TRMT9B: variants seen among roughly 807,000 people sequenced by gnomAD.
TRMT9B encodes the protein probable tRNA methyltransferase 9B.
In TRMT9B, 16 loss-of-function variants were observed where a neutral mutation model predicts 11.5. The ratio of observed to expected loss-of-function variants is 1.39; its 90% CI spans 0.94 to 2.11. The LOEUF (loss-of-function observed/expected upper bound fraction) is 2.11. Ranked by LOEUF, TRMT9B falls within the 30% of genes most tolerant of loss-of-function variation. The pLI, the probability that TRMT9B is intolerant of heterozygous loss-of-function variation, is 0.00. For missense variants in TRMT9B, 941 were observed against 553.8 expected (o/e 1.70, Z -7.02); for synonymous variants, 274 against 192.4 (o/e 1.42, Z -3.51).
At chr8:13,003,971 T>C (rs554126024) in intron 2 of TRMT9B, among the ~76,000 whole-genome samples, 2 of 151,866 alleles carry the variant, frequency 1.3e-5, no homozygotes, top group Admixed American at 1.3e-4. Flanking sequence ...GCCATGTGCA[T>C]GCAGAGAGAA....
chr8:13,003,539 C>G (rs997602592), intron 2 of TRMT9B, among the ~76,000 whole-genome samples: 1 of 151,972 alleles, frequency 6.6e-6, no homozygotes, highest in Non-Finnish European at 1.5e-5. Flanking sequence ...TGTGCCACCG[C>G]TGAGAAACAG....
intron 1 of TRMT9B, among the ~76,000 whole-genome samples, chr8:12,989,138 C>T (rs1400832790): frequency 6.6e-6 from 1 of 152,046 alleles, no homozygotes; most frequent in African/African-American, 2.4e-5. Flanking sequence ...TGCTGACCCT[C>T]TTCCCAGGAA....
At chr8:13,019,696 T>C (rs1442285901) in intron 4 of TRMT9B, among the ~76,000 whole-genome samples, 1 of 152,218 alleles carries the variant, frequency 6.6e-6, no homozygotes, top group Admixed American at 6.5e-5. Flanking sequence ...AGCTTAGTAA[T>C]CAGGACTCTA....
chr8:12,987,958 A>G (rs967487704), intron 1 of TRMT9B, among the ~76,000 whole-genome samples: 1 of 152,200 alleles, frequency 6.6e-6, no homozygotes, highest in African/African-American at 2.4e-5. Context: ...TTCAAAATTC[A>G]AAGCACAATT....
Position 13,012,708 on chromosome 8 carries a change from A to G in TRMT9B, c.179A>G (p.Lys60Arg). The G allele has an allele frequency of 6.2e-7, 1 of 1,613,702 alleles. No individual in the cohort carries two copies. Among genetic ancestry groups the G allele is most frequent in the Non-Finnish European group, 8.5e-7 (1 of 1,179,716 alleles). Reference protein sequence around the residue: ...DIGCGTGKYLKVNSQVHTVGC... With the variant: ...DIGCGTGKYLRVNSQVHTVGC... ...GGTTGTGGGACTGGAAAATATCTTA[A>G]AGTGAACAGCCAGGTACATACCGTG... Residue 60 changes from lysine to arginine, a missense_variant, in exon 4 of 5, where the codon AAA (lysine) becomes AGA (arginine). Lys to Arg is a conservative substitution (Grantham distance 26). Coordinates refer to ENST00000524591, the MANE Select transcript of TRMT9B (RefSeq NM_020844.3).
chr8:13,012,804 A>G lies in TRMT9B; in HGVS notation c.275A>G (p.Asn92Ser), dbSNP rs372978061. ...NRGCEAMVCDNLNLPFRDEGF... is the reference protein window; with the variant it reads ...NRGCEAMVCDSLNLPFRDEGF... ...GGATGTGAAGCCATGGTATGTGACA[A>G]CCTTAATCTCCCCTTTAGGGATGAG... Residue 92 changes from asparagine to serine, a missense_variant, in exon 4 of 5, where the codon AAC becomes AGC. By Grantham distance (46) the Asn-to-Ser change is conservative. Coordinates refer to ENST00000524591, the MANE Select transcript of TRMT9B (RefSeq NM_020844.3). 3.7e-6 allele frequency: 6 copies of G among 1,613,766 alleles called. No individual in the cohort carries two copies. In the African/African-American group the frequency reaches 8.0e-5, roughly 22 times the overall value.
At chr8:12,955,225 T>G (rs1801140770) in intron 1 of TRMT9B, among the ~76,000 whole-genome samples, 1 of 152,126 alleles carries the variant, frequency 6.6e-6, no homozygotes, top group Non-Finnish European at 1.5e-5. Flanking sequence ...TCAGTGTCCT[T>G]TGGGAGCCAG....
At chr8:13,011,772 C>T (rs890874425) in intron 3 of TRMT9B, 2 of 960,238 alleles carry the variant, frequency 2.1e-6, no homozygotes, top group Non-Finnish European at 2.5e-6. Context: ...TTTTTATAAT[C>T]TGAGTTGTAT....
intron 2 of TRMT9B, among the ~76,000 whole-genome samples, chr8:13,002,016 G>A (rs535202137): frequency 1.8e-4 from 27 of 152,186 alleles, no homozygotes; most frequent in African/African-American, 6.0e-4. Flanking sequence ...ATTTAAATCC[G>A]CAGCATTTAA....
intron 1 of TRMT9B, among the ~76,000 whole-genome samples, chr8:12,962,679 C>T (rs1470672126): frequency 8.6e-5 from 13 of 151,978 alleles, no homozygotes; most frequent in East Asian, 1.9e-4. Context: ...TTTGTAGAGA[C>T]GGGGTCTCGC....
chr8:13,028,354 C>A lies in TRMT9B; in HGVS notation c.*6310C>A, dbSNP rs1814949102. On this transcript the variant is annotated 3_prime_UTR_variant, in exon 5 of 5. Coordinates refer to ENST00000524591, the MANE Select transcript of TRMT9B (RefSeq NM_020844.3). ...AGAGCTGCAGAAAGTAAAGTTTACT[C>A]CAACCCAATTAATCATTAATACATC... 1.2e-5 allele frequency: 2 copies of A among 166,982 alleles called. No individual in the cohort carries two copies. Among genetic ancestry groups the A allele is most frequent in the Non-Finnish European group, 2.9e-5 (2 of 68,108 alleles). 10.3% of individuals were successfully genotyped at this position (166,982 alleles called of 1,614,324 possible).
intron 3 of TRMT9B, chr8:13,011,102 T>G (rs1707189130): frequency 2.8e-6 from 1 of 359,026 alleles, no homozygotes; most frequent in Non-Finnish European, 3.9e-6. Flanking sequence ...TTTTTCTGCC[T>G]CAGCCTCCTG....
At chr8:13,014,197 C>G (rs973268364) in intron 4 of TRMT9B, among the ~76,000 whole-genome samples, 3 of 152,198 alleles carry the variant, frequency 2.0e-5, no homozygotes, top group Non-Finnish European at 4.4e-5. Flanking sequence ...GCTATGGAAA[C>G]TTGCTCTCTG....
chr8:12,956,657 C>T (rs1801355442), intron 1 of TRMT9B, among the ~76,000 whole-genome samples: 1 of 152,152 alleles, frequency 6.6e-6, no homozygotes, highest in Non-Finnish European at 1.5e-5. Flanking sequence ...TAGCACCTGG[C>T]TTGTTAGTTC....
intron 2 of TRMT9B, among the ~76,000 whole-genome samples, chr8:13,001,309 G>A (rs1471206728): frequency 6.6e-6 from 1 of 152,002 alleles, no homozygotes; most frequent in African/African-American, 2.4e-5. Context: ...TTTCAACCTG[G>A]GTCCACTCAG....
intron 3 of TRMT9B, chr8:13,011,778 T>G (rs13258586): frequency 2.1e-6 from 2 of 953,350 alleles, no homozygotes; most frequent in Non-Finnish European, 2.5e-6. Context: ...TAATCTGAGT[T>G]GTATACTGGA....
intron 2 of TRMT9B, 38 bp from the exon 3 acceptor site, chr8:13,006,164 C>G (rs1285418735): frequency 1.2e-6 from 2 of 1,605,596 alleles, no homozygotes; most frequent in Non-Finnish European, 8.5e-7. Flanking sequence ...GGTGCATAGG[C>G]TGACCTGCAT....
At position 12,945,944 on chromosome 8, in the gene TRMT9B, C is replaced by T. The variant is rs1800243699; in HGVS notation, c.-222C>T. ...TGATGAAACCTGTGAGCTCTCCTAG[C>T]AACTCTGCAGTCTTCCTTCAAGGTA... On this transcript the variant is annotated 5_prime_UTR_variant, in exon 1 of 5. Transcript: ENST00000524591. 6.6e-6 allele frequency: 1 copy of T among 152,140 alleles called. No homozygotes were observed. Among genetic ancestry groups the T allele is most frequent in the Non-Finnish European group, 1.5e-5 (1 of 68,030 alleles). 9.4% of individuals were successfully genotyped at this position (152,140 alleles called of 1,614,324 possible). A position where few individuals can be genotyped will look rare whatever the true frequency, so the allele number is the denominator to read the frequency against.
rs186067432 is a variant in TRMT9B at position 13,026,247 on chromosome 8, C to A, written c.*4203C>A. On this transcript the variant is annotated 3_prime_UTR_variant, in exon 5 of 5. Coordinates refer to ENST00000524591, the MANE Select transcript of TRMT9B (RefSeq NM_020844.3). ...GAAATGAGAATAGCTGTGAACTTTT[C>A]TAAATATGCAACATTCAACTATCGC... The A allele has an allele frequency of 3.0e-5, 5 of 167,236 alleles. No individual in the cohort carries two copies. The highest frequency in any genetic ancestry group is 3.4e-3 in the Middle Eastern group (1 of 296). 10.4% of individuals were successfully genotyped at this position (167,236 alleles called of 1,614,324 possible). A position where few individuals can be genotyped will look rare whatever the true frequency, so the allele number is the denominator to read the frequency against.
Sources: allele counts gnomAD v4.1 joint callset (sites outside exome capture counted in the v4.1 genomes callset), GRCh38; gene constraint gnomAD v4.1.1; transcripts MANE v1.5; gene names NCBI Gene and HGNC (gene_info 2026-07-23, HGNC 2026-07-21).